TLN2: variants seen among roughly 807,000 people sequenced by gnomAD.
TLN2 encodes talin-2.
A neutral mutation model predicts 294.7 loss-of-function variants in TLN2; 118 were observed. The observed-to-expected ratio is 0.40, with a 90% CI of 0.34 to 0.47. The LOEUF is 0.47. TLN2 is among the 20% of genes least tolerant of loss of function. The pLI, the probability that TLN2 is intolerant of heterozygous loss-of-function variation, is 0.84. For synonymous variants in TLN2, 1,431 were observed against 1,304.5 expected, an observed-to-expected ratio of 1.10 and a Z score of -2.09; for missense variants, 3,083 against 3,282.2, an observed-to-expected ratio of 0.94 and a Z score of 1.48.
chr15:62,475,716 T>G (rs2037749717), intron 1 of TLN2, among the ~76,000 whole-genome samples: 1 of 152,234 alleles, frequency 6.6e-6, no homozygotes, highest in Non-Finnish European at 1.5e-5. Context: ...TTTCTTGAAC[T>G]TTGTTTTTGA....
At chr15:62,578,610 A>T (rs1369943281) in intron 1 of TLN2, among the ~76,000 whole-genome samples, 3 of 152,182 alleles carry the variant, frequency 2.0e-5, no homozygotes, top group African/African-American at 7.2e-5. Context: ...ATTCCACTTC[A>T]TGAAAATGCT....
At chr15:62,537,947 C>T (rs886897415) in intron 1 of TLN2, among the ~76,000 whole-genome samples, 39 of 152,282 alleles carry the variant, frequency 2.6e-4, no homozygotes, top group Admixed American at 1.2e-3. Flanking sequence ...CTTGGCTGGT[C>T]GTGGTGGCTC....
In TLN2 at chr15:62,770,960, A is replaced by G. The variant is rs755107596; in HGVS notation, c.5197-4A>G. On this transcript the variant is annotated splice_region_variant and splice_polypyrimidine_tract_variant and intron_variant, in intron 41 of 58. Transcript: ENST00000636159. ...TCTCTGGCTTTTTTTTTTTTTTTTGAAAGGTGACACAACTGGCAAGCTATT... is the reference window on the plus strand; with the variant it reads ...TCTCTGGCTTTTTTTTTTTTTTTTGGAAGGTGACACAACTGGCAAGCTATT... 26 of 1,365,726 alleles carry G rather than the reference A, an allele frequency of 1.9e-5. No homozygotes were observed. Among genetic ancestry groups the G allele is most frequent in the East Asian group, 1.3e-4 (5 of 38,556 alleles). The allele number at this position is 1,365,726 out of a possible 1,614,324, so 84.6% of individuals were successfully genotyped here.
chr15:62,651,327 A>C (rs920674727), intron 5 of TLN2, among the ~76,000 whole-genome samples: 7 of 152,214 alleles, frequency 4.6e-5, no homozygotes, highest in African/African-American at 1.4e-4. Context: ...TTTTTAAGAA[A>C]TCTTTATGAA....
At chr15:62,681,478 T>A (rs1013972702) in intron 11 of TLN2, among the ~76,000 whole-genome samples, 6 of 152,230 alleles carry the variant, frequency 3.9e-5, no homozygotes, top group Non-Finnish European at 7.3e-5. Flanking sequence ...GCTGCTTACA[T>A]CATATTTTCT....
At chr15:62,545,670 T>C (rs2140535376) in intron 1 of TLN2, among the ~76,000 whole-genome samples, 1 of 152,306 alleles carries the variant, frequency 6.6e-6, no homozygotes, top group South Asian at 2.1e-4. Flanking sequence ...GAACAATTGT[T>C]CCCTGTTCTT....
At chr15:62,823,822 C>T (rs2067792739) in intron 54 of TLN2, 1 of 402,582 alleles carries the variant, frequency 2.5e-6, no homozygotes, top group African/African-American at 2.2e-5. Context: ...GTTAATGGCG[C>T]CGTTTCCACA....
intron 1 of TLN2, among the ~76,000 whole-genome samples, chr15:62,498,590 G>A (rs372959240): frequency 3.9e-5 from 6 of 152,238 alleles, no homozygotes; most frequent in South Asian, 2.1e-4. Flanking sequence ...CTTCTGTATC[G>A]GTGGCTGTGT....
chr15:62,685,735 T>C (rs962689309), intron 11 of TLN2, among the ~76,000 whole-genome samples: 2 of 152,244 alleles, frequency 1.3e-5, no homozygotes, highest in Admixed American at 1.3e-4. Context: ...ATTTTGTTGA[T>C]TTATGAACAC....
chr15:62,840,067 G>A (rs375731065), intron 58 of TLN2, among the ~76,000 whole-genome samples: 72 of 152,258 alleles, frequency 4.7e-4, no homozygotes, highest in East Asian at 1.4e-3. Context: ...TACCTGGACC[G>A]GGTCTTCCTC....
chr15:62,755,626 A>G lies in TLN2; in HGVS notation c.4571A>G (p.Lys1524Arg), dbSNP rs201396634. ...TCCAAGACGGCCAACCCAGTAGCCA[A>G]GAGGCACTTCGTCCAGTCAGCCAAG... Reference protein sequence around the residue: ...ASSKTANPVAKRHFVQSAKEV... With the variant: ...ASSKTANPVARRHFVQSAKEV... The change falls in exon 37 of 59, where the codon AAG (lysine) becomes AGG (arginine). Residue 1524 changes from lysine to arginine, a missense_variant. Physicochemically the swap from Lys to Arg is conservative, Grantham distance 26. Coordinates refer to ENST00000636159, the MANE Select transcript of TLN2 (RefSeq NM_015059.3). The G allele has an allele frequency of 1.5e-5, 24 of 1,614,118 alleles. No homozygotes were observed. The East Asian group carries it at 1.6e-4, about 10-fold the overall frequency.
At chr15:62,648,191 C>T (rs984121375) in intron 4 of TLN2, among the ~76,000 whole-genome samples, 5 of 151,968 alleles carry the variant, frequency 3.3e-5, no homozygotes, top group African/African-American at 7.3e-5. Flanking sequence ...GAGGCCAAGG[C>T]GGGAAGATCG....
Position 62,797,253 on chromosome 15 carries a change from G to A in TLN2, c.6085G>A (p.Glu2029Lys). 5 of 1,614,106 alleles carry A rather than the reference G, an allele frequency of 3.1e-6. No individual in the cohort carries two copies. The highest frequency in any genetic ancestry group is 4.2e-6 in the Non-Finnish European group (5 of 1,180,034). Reference protein sequence around the residue: ...NILKTAKALVEDTKLLVSGAA... With the variant: ...NILKTAKALVKDTKLLVSGAA... ...TCTCAAGACGGCCAAGGCCTTGGTA[G>A]AAGACACGAAACTACTTGTGTCAGG... Residue 2029 changes from glutamate (E) to lysine (K), a missense_variant, in exon 48 of 59, where the codon GAA becomes AAA. By Grantham distance (56) the Glu-to-Lys change is moderately conservative. Transcript: ENST00000636159.
At chr15:62,807,709 G>C (rs1188764235) in intron 51 of TLN2, among the ~76,000 whole-genome samples, 1 of 152,146 alleles carries the variant, frequency 6.6e-6, no homozygotes, top group Non-Finnish European at 1.5e-5. Context: ...CCCATCCTCA[G>C]CCCCTCTCTG....
chr15:62,797,353 T>C lies in TLN2; in HGVS notation c.6185T>C (p.Val2062Ala), dbSNP rs554704005. ...SAATITQLAE[V>A]VKLGAASLGS... ...GCCACCATCACCCAGCTCGCAGAAGTGGTCAAGCTGGGGGCAGCCAGCCTG... is the reference window on the plus strand; with the variant it reads ...GCCACCATCACCCAGCTCGCAGAAGCGGTCAAGCTGGGGGCAGCCAGCCTG... Residue 2062 changes from valine (V) to alanine (A), a missense_variant, in exon 48 of 59, where the codon GTG (valine) becomes GCG (alanine). Coordinates refer to ENST00000636159, the MANE Select transcript of TLN2 (RefSeq NM_015059.3). 23 of 1,612,600 alleles carry C rather than the reference T, an allele frequency of 1.4e-5. No individual in the cohort carries two copies. Among genetic ancestry groups the C allele is most frequent in the East Asian group, 1.3e-4 (6 of 44,830 alleles).
intron 30 of TLN2, 99 bp downstream of exon 30, chr15:62,738,432 C>T (rs1279618075): frequency 7.2e-7 from 1 of 1,397,848 alleles, no homozygotes; most frequent in Non-Finnish European, 9.4e-7. Flanking sequence ...GAGCAGCTAA[C>T]CCTTCCTTTA....
At chr15:62,554,504 A>G (rs1388589403) in intron 1 of TLN2, among the ~76,000 whole-genome samples, 1 of 151,944 alleles carries the variant, frequency 6.6e-6, no homozygotes, top group East Asian at 1.9e-4. Context: ...TGACTGACAG[A>G]AAAACTCAGG....
chr15:62,508,382 A>G (rs960572010), intron 1 of TLN2, among the ~76,000 whole-genome samples: 1 of 151,966 alleles, frequency 6.6e-6, no homozygotes, highest in Non-Finnish European at 1.5e-5. Flanking sequence ...ACACCCAGCT[A>G]ATTTTTGTAT....
At chr15:62,818,812 G>A (rs2067315897) in intron 52 of TLN2, among the ~76,000 whole-genome samples, 1 of 150,792 alleles carries the variant, frequency 6.6e-6, no homozygotes, top group Admixed American at 6.6e-5. Context: ...TGGGGCTTTT[G>A]CCTTTACTCA....
Sources: allele counts gnomAD v4.1 joint callset (sites outside exome capture counted in the v4.1 genomes callset), GRCh38; gene constraint gnomAD v4.1.1; transcripts MANE v1.5; gene names NCBI Gene and HGNC (gene_info 2026-07-23, HGNC 2026-07-21).